The following COPG2 variants were observed in gnomAD, a reference collection of about 807,000 sequenced individuals.
The protein encoded by COPG2 is coat protein complex I subunit gamma 2.
Under a neutral mutation model 46.3 loss-of-function variants are expected in COPG2, and 37 were observed. The ratio of observed to expected loss-of-function variants is 0.80; its 90% CI spans 0.61 to 1.05. COPG2 has a LOEUF of 1.05. Ranked by LOEUF, COPG2 falls within the 50% of genes least tolerant of loss-of-function variation. The pLI, the probability that COPG2 is intolerant of heterozygous loss-of-function variation, is 0.00. For missense variants in COPG2, 427 were observed against 387.8 expected (o/e 1.10, Z -0.85); for synonymous variants, 159 against 129.7 (o/e 1.23, Z -1.53).
intron 9 of COPG2, among the ~76,000 whole-genome samples, chr7:130,603,456 A>T (rs1794673403): frequency 6.6e-6 from 1 of 152,164 alleles, no homozygotes; most frequent in Non-Finnish European, 1.5e-5. Flanking sequence ...ATGGTGGCTC[A>T]TGCCTGTAAT....
Position 130,555,891 on chromosome 7 carries a change from G to A in COPG2, c.1129-759C>T, listed in dbSNP as rs998656463. 1.4e-3 allele frequency among the ~76,000 whole-genome samples: 208 copies of A among 152,226 alleles called. 2 individuals are homozygous for A. The highest frequency in any genetic ancestry group is 1.5e-3 in the Non-Finnish European group (105 of 67,988). On this transcript the variant is annotated intron_variant, in intron 12 of 23. Coordinates refer to ENST00000425248, the MANE Select transcript of COPG2 (RefSeq NM_012133.6). ...ACCAGTGTCAAGATGTGTGAAGAAC[G>A]TGAGATTTTACCCTGCTTGTGGCTA... is the stretch of plus-strand genomic sequence containing the variant.
rs1343437224 is a variant in COPG2, at chr7:130,510,713, G to A, written c.2150-2054C>T. Among the ~76,000 whole-genome samples, 8 of 46,828 alleles carry A rather than the reference G, an allele frequency of 1.7e-4. No individual in the cohort carries two copies. In the East Asian group the frequency reaches 8.8e-3, roughly 51 times the overall value. The allele number at this position is 46,828 out of a possible 152,430, so 30.7% of individuals were successfully genotyped here. A position where few individuals can be genotyped will look rare whatever the true frequency, so the allele number is the denominator to read the frequency against. ...TGGTGTTAGTAGAGATAATGTTCCTGAAACCTTAGTGGGAATTTTTTTACT... is the reference window on the plus strand; with the variant it reads ...TGGTGTTAGTAGAGATAATGTTCCTAAAACCTTAGTGGGAATTTTTTTACT... On this transcript the variant is annotated intron_variant, in intron 20 of 23. Coordinates refer to ENST00000425248, the MANE Select transcript of COPG2 (RefSeq NM_012133.6).
At chr7:130,531,096 G>T (rs1199254173) in intron 20 of COPG2, among the ~76,000 whole-genome samples, 1 of 140,198 alleles carries the variant, frequency 7.1e-6, no homozygotes, top group Non-Finnish European at 1.5e-5. Context: ...TTTGGGTCTG[G>T]GTTGGGGATG....
chr7:130,523,211 C>T (rs1799740407), intron 20 of COPG2, among the ~76,000 whole-genome samples: 1 of 148,504 alleles, frequency 6.7e-6, no homozygotes, highest in African/African-American at 2.5e-5. Flanking sequence ...TGGCTGTCCA[C>T]ATCAGTGATT....
rs1042980870 is a variant in COPG2 at position 130,524,734 on chromosome 7, G to A, written c.2150-16075C>T. Among the ~76,000 whole-genome samples the A allele has an allele frequency of 8.6e-3, 1,303 of 152,204 alleles. 7 individuals are homozygous for A. Among genetic ancestry groups the A allele is most frequent in the Non-Finnish European group, 0.012 (807 of 68,010 alleles). On this transcript the variant is annotated intron_variant, in intron 20 of 23. Coordinates refer to ENST00000425248, the MANE Select transcript of COPG2 (RefSeq NM_012133.6). ...GATAAGCAAGGAATGAAAGAGAGGT[G>A]GGAGGAGGCCAAGGGAGAAGCAGGG...
chr7:130,538,822 G>A (rs1799909268), intron 20 of COPG2, among the ~76,000 whole-genome samples: 1 of 152,156 alleles, frequency 6.6e-6, no homozygotes, highest in Non-Finnish European at 1.5e-5. Flanking sequence ...GGGAGCCTGA[G>A]AGGATGGAGG....
intron 5 of COPG2, among the ~76,000 whole-genome samples, chr7:130,647,704 T>C (rs1554458481): frequency 4.6e-5 from 7 of 152,040 alleles, no homozygotes; most frequent in Non-Finnish European, 1.0e-4. Flanking sequence ...GTAACCATTC[T>C]AGTGGGTATG....
chr7:130,651,347 C>G (rs968728103), intron 5 of COPG2, among the ~76,000 whole-genome samples: 1 of 151,384 alleles, frequency 6.6e-6, no homozygotes, highest in Non-Finnish European at 1.5e-5. Flanking sequence ...GACTGAGTCT[C>G]GCTCTGTCAC....
rs369398191 is a variant in COPG2, at chr7:130,506,754, G to A, written c.2538C>T (p.Ala846=). Reference sequence around the variant, plus strand: ...CAGTCACCTGCATGGTCACTCCATCGGCTAAGGCCAGCCTGGACCTCACCA... The same window carrying A: ...CAGTCACCTGCATGGTCACTCCATCAGCTAAGGCCAGCCTGGACCTCACCA... The part of the protein sequence containing the change: ...DLLVRSRLAL[A]DGVTMQVTVR... The change falls in exon 24 of 24, where the codon GCC becomes GCT. Residue 846 remains alanine (A), a synonymous_variant. Transcript: ENST00000425248. The A allele has an allele frequency of 2.3e-5, 18 of 780,374 alleles. No homozygotes were observed. Among genetic ancestry groups the A allele is most frequent in the East Asian group, 1.5e-4 (6 of 41,258 alleles). The allele number at this position is 780,374 out of a possible 1,614,324, so 48.3% of individuals were successfully genotyped here.
At chr7:130,540,925 C>CT (rs1799928717) in intron 20 of COPG2, among the ~76,000 whole-genome samples, 2 of 152,082 alleles carry the variant, frequency 1.3e-5, no homozygotes, top group African/African-American at 4.8e-5. Context: ...ATAGCAGTCT[C>CT]TAAAAGGAAC....
chr7:130,624,469 T>C (rs1020746576), intron 5 of COPG2, among the ~76,000 whole-genome samples: 9 of 152,224 alleles, frequency 5.9e-5, no homozygotes, highest in Admixed American at 1.3e-4. Context: ...TTTGGTTACA[T>C]AGATAAGTTC....
intron 20 of COPG2, among the ~76,000 whole-genome samples, chr7:130,520,375 T>C (rs903307759): frequency 4.8e-4 from 73 of 152,238 alleles, no homozygotes; most frequent in African/African-American, 1.7e-3. Context: ...AGGAAAAAAA[T>C]GTATGACTTA....
At chr7:130,595,186 A>G (rs1482518771) in intron 9 of COPG2, among the ~76,000 whole-genome samples, 1 of 152,260 alleles carries the variant, frequency 6.6e-6, no homozygotes, top group Non-Finnish European at 1.5e-5. Flanking sequence ...TCAGCCATAA[A>G]GAGAAGTACT....
intron 9 of COPG2, among the ~76,000 whole-genome samples, chr7:130,601,850 GGAAGGAAGGAAGCAAA>G (rs1794637927): frequency 6.7e-6 from 1 of 148,812 alleles, no homozygotes; most frequent in East Asian, 2.0e-4. Flanking sequence ...AAGGAGGGAA[GGAAGGAAGGAAGCAAA>G]GAAGGAAGGA....
intron 6 of COPG2, among the ~76,000 whole-genome samples, 180 bp downstream of exon 6, chr7:130,616,808 AAT>A (rs1257165117): frequency 2.0e-5 from 3 of 152,180 alleles, no homozygotes; most frequent in Non-Finnish European, 4.4e-5. Context: ...GACTAACATA[AAT>A]AAAGGAAAAA....
intron 9 of COPG2, among the ~76,000 whole-genome samples, chr7:130,571,441 A>G (rs1787093394): frequency 6.6e-6 from 1 of 152,246 alleles, no homozygotes; most frequent in Admixed American, 6.5e-5. Flanking sequence ...AAACATATGA[A>G]AAAAATGCTC....
chr7:130,665,289 T>C (rs1377986307), intron 3 of COPG2, among the ~76,000 whole-genome samples: 4 of 152,192 alleles, frequency 2.6e-5, no homozygotes, highest in African/African-American at 9.7e-5. Flanking sequence ...GTAAAGATAA[T>C]ATATTCTCTT....
intron 20 of COPG2, among the ~76,000 whole-genome samples, chr7:130,512,052 TAAAA>T (rs1182017221): frequency 2.5e-3 from 252 of 99,156 alleles, no homozygotes; most frequent in Admixed American, 5.1e-3. Context: ...CTGTGTCTTC[TAAAA>T]AAAAAAAAAA....
chr7:130,625,982 T>G (rs1795113255), intron 5 of COPG2, among the ~76,000 whole-genome samples: 1 of 152,188 alleles, frequency 6.6e-6, no homozygotes, highest in African/African-American at 2.4e-5. Flanking sequence ...TATTTTTAAC[T>G]GACACATAAT....
Sources: gnomAD v4.1 joint callset for allele counts (sites outside exome capture counted in the v4.1 genomes callset) on GRCh38, gnomAD v4.1.1 for gene constraint, MANE v1.5 for transcripts, NCBI Gene and HGNC (gene_info 2026-07-23, HGNC 2026-07-21) for gene names.